Variants in DMD observed in about 807,000 individuals in gnomAD.
The protein encoded by DMD is dystrophin.
DMD carries 63 observed loss-of-function variants against 330.1 expected under a neutral mutation model. The ratio of observed to expected loss-of-function variants is 0.19; its 90% CI spans 0.16 to 0.24. DMD has a LOEUF of 0.24. Among genes scored for constraint, DMD ranks in the 10% least tolerant of loss-of-function variants. The pLI, the probability that DMD is intolerant of heterozygous loss-of-function variation, is 1.00. For synonymous variants in DMD, 1,223 were observed against 959.8 expected, an observed-to-expected ratio of 1.27 and a Z score of -5.07; for missense variants, 3,344 against 2,684.1, an observed-to-expected ratio of 1.25 and a Z score of -5.43.
At chrX:33,073,647 G>T (rs1289510872) in intron 1 of DMD, among the ~76,000 whole-genome samples, 1 of 110,270 alleles carries the variant, frequency 9.1e-6, no homozygotes, top group East Asian at 2.9e-4. Context: ...CCTGGCCAAT[G>T]TGGTGAAACC....
intron 48 of DMD, among the ~76,000 whole-genome samples, chrX:31,837,184 A>G (rs2093218526): frequency 8.9e-6 from 1 of 112,403 alleles, no homozygotes; most frequent in Non-Finnish European, 1.9e-5. Flanking sequence ...ATTTTACTTT[A>G]TACACTTATT....
intron 29 of DMD, among the ~76,000 whole-genome samples, chrX:32,432,133 A>G (rs1193634095): frequency 1.8e-5 from 2 of 111,569 alleles, no homozygotes; most frequent in Non-Finnish European, 3.8e-5. Context: ...TAATTATTCT[A>G]TTACTTTGCA....
chrX:32,892,119 C>T (rs1315867535), intron 2 of DMD, among the ~76,000 whole-genome samples: 1 of 112,165 alleles, frequency 8.9e-6, no homozygotes, highest in Non-Finnish European at 1.9e-5. Flanking sequence ...ACAGAACTCA[C>T]AGCTTTACAT....
At chrX:31,794,919 C>T (rs1443638615) in intron 50 of DMD, among the ~76,000 whole-genome samples, 1 of 111,715 alleles carries the variant, frequency 9.0e-6, no homozygotes, top group African/African-American at 3.3e-5. Context: ...ATTAACTTTT[C>T]TAAAAATACT....
chrX:32,524,538 T>A (rs902822252), intron 17 of DMD, among the ~76,000 whole-genome samples: 1 of 112,193 alleles, frequency 8.9e-6, no homozygotes, highest in African/African-American at 3.2e-5. Context: ...AAACACCTTC[T>A]CTGTAAATTA....
chrX:32,350,792 TCTC>T (rs1033575449), intron 37 of DMD, among the ~76,000 whole-genome samples: 1 of 111,296 alleles, frequency 9.0e-6, no homozygotes, highest in Non-Finnish European at 1.9e-5. Context: ...AGTCAAGGCT[TCTC>T]CTAATCTTGC....
intron 30 of DMD, among the ~76,000 whole-genome samples, chrX:32,408,685 C>G (rs1213726402): frequency 9.0e-6 from 1 of 111,521 alleles, no homozygotes; most frequent in Non-Finnish European, 1.9e-5. Flanking sequence ...TACATTTTTT[C>G]CTGCTTCTCC....
chrX:31,903,173 C>T (rs1472014292), intron 47 of DMD, among the ~76,000 whole-genome samples: 1 of 111,722 alleles, frequency 9.0e-6, no homozygotes, highest in Non-Finnish European at 1.9e-5. Flanking sequence ...AAATTGTTGT[C>T]ACTTCAACCT....
chrX:32,297,440 A>AT (rs1366974125), intron 42 of DMD, among the ~76,000 whole-genome samples: 2 of 108,819 alleles, frequency 1.8e-5, no homozygotes, highest in African/African-American at 6.7e-5. Flanking sequence ...TGCCCGGCTA[A>AT]TTTTTTGTAT....
intron 74 of DMD, among the ~76,000 whole-genome samples, chrX:31,163,695 C>T (rs910897707): frequency 2.7e-5 from 3 of 111,399 alleles, no homozygotes; most frequent in Non-Finnish European, 5.7e-5. Flanking sequence ...TCCTTCCTCT[C>T]ATTCAAGGTC....
chrX:32,668,802 T>C (rs2061466996), intron 9 of DMD, among the ~76,000 whole-genome samples: 1 of 110,501 alleles, frequency 9.0e-6, no homozygotes, highest in Non-Finnish European at 1.9e-5. Flanking sequence ...GACTACGGCA[T>C]TGAAGAGAAT....
intron 9 of DMD, among the ~76,000 whole-genome samples, chrX:32,648,643 A>C (rs1194408906): frequency 1.8e-5 from 2 of 112,038 alleles, no homozygotes; most frequent in African/African-American, 6.5e-5. Context: ...TTTCAGACTA[A>C]GCAAACCGAC....
chrX:33,300,123 C>T (rs970124119), intron 1 of DMD, among the ~76,000 whole-genome samples: 2 of 112,278 alleles, frequency 1.8e-5, no homozygotes, highest in Non-Finnish European at 3.8e-5. Flanking sequence ...CACTTCACAA[C>T]GACTTTAAAG....
chrX:32,717,804 A>G (rs1043698251), intron 7 of DMD, among the ~76,000 whole-genome samples: 1 of 111,602 alleles, frequency 9.0e-6, no homozygotes. Flanking sequence ...AGGCCTTGGG[A>G]GCCTGTCCCT....
intron 23 of DMD, among the ~76,000 whole-genome samples, chrX:32,465,593 T>TTG (rs1569563848): frequency 1.1e-4 from 11 of 97,359 alleles, no homozygotes; most frequent in South Asian, 1.0e-3. Context: ...TTTTTTTTTT[T>TTG]TTTTTTTTTT....
At chrX:31,453,251 T>G (rs1432542077) in intron 59 of DMD, among the ~76,000 whole-genome samples, 1 of 111,015 alleles carries the variant, frequency 9.0e-6, no homozygotes, top group East Asian at 2.8e-4. Flanking sequence ...AACCTCCGCC[T>G]CCCAGGTTCA....
chrX:31,834,909 T>C (rs1436596453), intron 49 of DMD, among the ~76,000 whole-genome samples: 1 of 109,792 alleles, frequency 9.1e-6, no homozygotes, highest in Non-Finnish European at 1.9e-5. Flanking sequence ...GCTACAAAAA[T>C]GGTTTTAAGG....
At chrX:32,636,998 A>C (rs189666683) in intron 11 of DMD, among the ~76,000 whole-genome samples, 1 of 110,741 alleles carries the variant, frequency 9.0e-6, no homozygotes, top group Non-Finnish European at 1.9e-5. Flanking sequence ...TCTGTCTCAA[A>C]AAAAAAAGAA....
chrX:31,968,298 C>A (rs745508014), intron 45 of DMD, 41 bp downstream of exon 45: 1 of 1,194,868 alleles, frequency 8.4e-7, no homozygotes, highest in Non-Finnish European at 1.1e-6. Flanking sequence ...CTTAAAAAGT[C>A]TGCTAAAATG....
Sources: gnomAD v4.1 joint callset for allele counts (sites outside exome capture counted in the v4.1 genomes callset) on GRCh38, gnomAD v4.1.1 for gene constraint, MANE v1.5 for transcripts, NCBI Gene and HGNC (gene_info 2026-07-23, HGNC 2026-07-21) for gene names.